SFMBT1: variants seen among roughly 807,000 people sequenced by gnomAD.
The protein encoded by SFMBT1 is scm-like with four MBT domains protein 1.
SFMBT1 carries 32 observed loss-of-function variants against 108.7 expected under a neutral mutation model. The ratio of observed to expected loss-of-function variants is 0.29; its 90% CI spans 0.22 to 0.40. SFMBT1 has a LOEUF of 0.40. Among genes scored for constraint, SFMBT1 ranks in the 10% least tolerant of loss-of-function variants. The pLI is 1.00. For missense variants in SFMBT1, 816 were observed against 1,059.6 expected, an observed-to-expected ratio of 0.77 and a Z score of 3.19; for synonymous variants, 348 against 369.5, an observed-to-expected ratio of 0.94 and a Z score of 0.67.
At chr3:53,020,473 C>T (rs1699271196) in intron 1 of SFMBT1, among the ~76,000 whole-genome samples, 1 of 152,028 alleles carries the variant, frequency 6.6e-6, no homozygotes, top group Non-Finnish European at 1.5e-5. Flanking sequence ...GAACACATCC[C>T]CATCTTATTT....
intron 2 of SFMBT1, among the ~76,000 whole-genome samples, chr3:52,967,564 T>G (rs974889711): frequency 6.6e-6 from 1 of 152,106 alleles, no homozygotes; most frequent in Admixed American, 6.6e-5. Flanking sequence ...GTGTATTGCA[T>G]CTCAAAAAAC....
intron 15 of SFMBT1, 121 bp from the exon 16 acceptor site, chr3:52,912,768 A>G (rs764533223): frequency 5.1e-5 from 37 of 727,206 alleles, no homozygotes; most frequent in Non-Finnish European, 8.2e-5. Context: ...AGTCATATGA[A>G]TTAACAAATG....
At chr3:53,039,984 G>A (rs200488008) in intron 1 of SFMBT1, among the ~76,000 whole-genome samples, 3 of 152,288 alleles carry the variant, frequency 2.0e-5, no homozygotes, top group East Asian at 3.9e-4. Context: ...ACCACTCCAA[G>A]AGGGTTATTT....
At chr3:52,991,342 CT>C (rs71087045) in intron 1 of SFMBT1, among the ~76,000 whole-genome samples, 4,085 of 91,186 alleles carry the variant, frequency 0.045, 106 homozygotes, top group African/African-American at 0.11. Flanking sequence ...GCTGAAACTT[CT>C]TTTTTTTTTT....
chr3:52,956,334 C>A (rs944288209), intron 2 of SFMBT1, among the ~76,000 whole-genome samples: 24 of 152,184 alleles, frequency 1.6e-4, no homozygotes, highest in African/African-American at 5.5e-4. Context: ...GCGGCACGCA[C>A]CTGTAGTCCC....
intron 1 of SFMBT1, among the ~76,000 whole-genome samples, chr3:53,026,649 C>T (rs943038478): frequency 6.6e-6 from 1 of 152,190 alleles, no homozygotes; most frequent in Non-Finnish European, 1.5e-5. Flanking sequence ...CCCTGTGGGG[C>T]TGCCTACAGT....
chr3:52,996,806 A>G (rs56895623), intron 1 of SFMBT1, among the ~76,000 whole-genome samples: 4,717 of 150,522 alleles, frequency 0.031, 350 homozygotes, highest in African/African-American at 0.11. Context: ...ACGGTGGCTC[A>G]CGCCTGTAAT....
chr3:53,016,516 A>C (rs1306920932), intron 1 of SFMBT1, among the ~76,000 whole-genome samples: 1 of 152,180 alleles, frequency 6.6e-6, no homozygotes, highest in Non-Finnish European at 1.5e-5. Flanking sequence ...AAATCTAGTG[A>C]GTGTGTAATG....
chr3:53,029,484 T>A (rs1289508904), intron 1 of SFMBT1, among the ~76,000 whole-genome samples: 1 of 152,230 alleles, frequency 6.6e-6, no homozygotes, highest in African/African-American at 2.4e-5. Flanking sequence ...GCAGCATTTT[T>A]AAAATTCCTT....
intron 1 of SFMBT1, among the ~76,000 whole-genome samples, chr3:53,021,418 T>C (rs1699302753): frequency 6.6e-6 from 1 of 152,228 alleles, no homozygotes; most frequent in Non-Finnish European, 1.5e-5. Context: ...ATGTATTATA[T>C]TATCTCTACT....
chr3:52,971,357 C>T (rs181631083), intron 1 of SFMBT1, among the ~76,000 whole-genome samples: 22 of 152,230 alleles, frequency 1.4e-4, no homozygotes, highest in African/African-American at 5.1e-4. Context: ...GAGATAAATG[C>T]CAATTATCCC....
At chr3:52,974,982 G>T (rs1704470777) in intron 1 of SFMBT1, among the ~76,000 whole-genome samples, 1 of 151,780 alleles carries the variant, frequency 6.6e-6, no homozygotes, top group Non-Finnish European at 1.5e-5. Flanking sequence ...TCCAGCCTGG[G>T]TGACAGGGCA....
chr3:53,006,843 C>T (rs936531715), intron 1 of SFMBT1, among the ~76,000 whole-genome samples: 1 of 152,294 alleles, frequency 6.6e-6, no homozygotes, highest in East Asian at 1.9e-4. Context: ...ACCTTCAGAA[C>T]AATTTGTAAA....
chr3:52,991,280 T>G, intron 1 of SFMBT1, among the ~76,000 whole-genome samples: 1 of 151,422 alleles, frequency 6.6e-6, no homozygotes, highest in Admixed American at 6.6e-5. Context: ...TTCTAGAGAA[T>G]TCTTCCCTAC....
At chr3:53,003,803 G>A (rs987713063) in intron 1 of SFMBT1, among the ~76,000 whole-genome samples, 14 of 147,626 alleles carry the variant, frequency 9.5e-5, no homozygotes, top group African/African-American at 3.2e-4. Flanking sequence ...TTTCAGCAGC[G>A]TGAGAGGTGA....
At chr3:52,961,122 C>T (rs1271948910) in intron 2 of SFMBT1, among the ~76,000 whole-genome samples, 1 of 149,760 alleles carries the variant, frequency 6.7e-6, no homozygotes, top group African/African-American at 2.5e-5. Context: ...TGTTAGAGAC[C>T]CCATCCTCCC....
chr3:53,025,612 C>T (rs904439311), intron 1 of SFMBT1, among the ~76,000 whole-genome samples: 2 of 151,248 alleles, frequency 1.3e-5, no homozygotes, highest in Non-Finnish European at 2.9e-5. Flanking sequence ...TGAACCCCGT[C>T]TTAAAAAAAG....
chr3:52,989,435 A>AAAAAG (rs1553641118), intron 1 of SFMBT1, among the ~76,000 whole-genome samples: 10 of 137,796 alleles, frequency 7.3e-5, no homozygotes, highest in East Asian at 2.2e-4. Flanking sequence ...AAAAAAAAAA[A>AAAAAG]AAAGAAAGAA....
At chr3:52,915,889 A>G (rs1490705007) in intron 14 of SFMBT1, among the ~76,000 whole-genome samples, 1 of 152,240 alleles carries the variant, frequency 6.6e-6, no homozygotes, top group Non-Finnish European at 1.5e-5. Flanking sequence ...GGATGGTAAC[A>G]TTGGCCTTCT....
Sources: allele counts gnomAD v4.1 joint callset (sites outside exome capture counted in the v4.1 genomes callset), GRCh38; gene constraint gnomAD v4.1.1; transcripts MANE v1.5; gene names NCBI Gene and HGNC (gene_info 2026-07-23, HGNC 2026-07-21).